The following MRPL17 variants were observed in gnomAD, a reference collection of about 807,000 sequenced individuals.
MRPL17 encodes the protein mitochondrial ribosomal protein L17.
Under a neutral mutation model 12.0 loss-of-function variants are expected in MRPL17, and 8 were observed. The observed-to-expected ratio is 0.67, with a 90% CI of 0.39 to 1.21. The LOEUF (loss-of-function observed/expected upper bound fraction) is 1.21, where lower values mean the gene tolerates loss of function less well. Ranked by LOEUF, MRPL17 falls within the 50% of genes most tolerant of loss-of-function variation. The pLI is 0.01. For missense variants in MRPL17, 263 were observed against 234.4 expected (o/e 1.12, Z -0.80); for synonymous variants, 107 against 92.9 (o/e 1.15, Z -0.87).
At chr11:6,682,496 CAT>C (rs1181702386) in intron 2 of MRPL17, 94 bp from the exon 3 acceptor site, 2 of 1,400,136 alleles carry the variant, frequency 1.4e-6, no homozygotes, top group Admixed American at 2.0e-5. Flanking sequence ...TCCATCCACA[CAT>C]AGAAAGACCT....
At chr11:6,682,898 A>T (rs1846583435) in intron 1 of MRPL17, 83 bp from the exon 2 acceptor site, 1 of 1,430,688 alleles carries the variant, frequency 7.0e-7, no homozygotes, top group African/African-American at 1.4e-5. Context: ...AAGGCAATCC[A>T]TTCTTTCCAC....
At chr11:6,682,503 A>G in intron 2 of MRPL17, 101 bp from the exon 3 acceptor site, 2 of 1,357,048 alleles carry the variant, frequency 1.5e-6, no homozygotes, top group Admixed American at 2.0e-5. Flanking sequence ...ACACATAGAA[A>G]GACCTCCCCC....
chr11:6,682,937 C>CT, intron 1 of MRPL17, 122 bp from the exon 2 acceptor site: 1 of 1,266,780 alleles, frequency 7.9e-7, no homozygotes. Flanking sequence ...CTACGCCACC[C>CT]CTAACTCCGC....
chr11:6,682,931 G>A, intron 1 of MRPL17, 116 bp from the exon 2 acceptor site: 1 of 1,272,332 alleles, frequency 7.9e-7, no homozygotes, highest in Non-Finnish European at 1.1e-6. Context: ...TCCAATCTAC[G>A]CCACCCCTAA....
At chr11:6,682,450 G>A (rs769575375) in intron 2 of MRPL17, 48 bp from the exon 3 acceptor site, 1 of 1,584,096 alleles carries the variant, frequency 6.3e-7, no homozygotes, top group Non-Finnish European at 8.6e-7. Context: ...CAAAACTGCA[G>A]AGGCATTTAA....
chr11:6,682,048 G>A lies in MRPL17; in HGVS notation c.*70C>T. The stretch of plus-strand genomic sequence containing the variant: ...ACATCTCTAGCTCCAGTTCTTCTCA[G>A]AGAGTAAAAGTGCTCCAAAGGCCTG... On this transcript the variant is annotated 3_prime_UTR_variant, in exon 3 of 3. Transcript: ENST00000288937. 1.3e-6 allele frequency: 2 copies of A among 1,519,522 alleles called. No homozygotes were observed. The highest frequency in any genetic ancestry group is 8.9e-7 in the Non-Finnish European group (1 of 1,129,114). The allele number at this position is 1,519,522 out of a possible 1,614,324, so 94.1% of individuals were successfully genotyped here. A position where few individuals can be genotyped will look rare whatever the true frequency, so the allele number is the denominator to read the frequency against.
Position 6,682,197 on chromosome 11 carries a change from T to G in MRPL17, c.449A>C (p.Gln150Pro), listed in dbSNP as rs1846573137. The G allele has an allele frequency of 6.2e-7, 1 of 1,614,080 alleles. No individual in the cohort carries two copies. The change falls in exon 3 of 3, where the codon CAG becomes CCG. Residue 150 changes from glutamine (Q) to proline (P), a missense_variant. Physicochemically the swap from Gln to Pro is moderately conservative, Grantham distance 76 (BLOSUM62 -1). Transcript: ENST00000288937. Reference protein sequence around the residue: ...SHLTLLNQLLQGLRQDLRQSQ... With the variant: ...SHLTLLNQLLPGLRQDLRQSQ... Reference sequence around the variant, plus strand: ...TTGCCTGAGGTCCTGCCGCAAACCCTGCAGCAGCTGGTTTAGGAGTGTAAG... The same window carrying G: ...TTGCCTGAGGTCCTGCCGCAAACCCGGCAGCAGCTGGTTTAGGAGTGTAAG...
rs1846557075 is a variant in MRPL17 at position 6,680,891 on chromosome 11, A to G, written c.*1227T>C. ...AACAAACCATAGTAGAGAAAAAGAG[A>G]TAAAGAGCTCTGTTGGGAGTAGATG... On this transcript the variant is annotated 3_prime_UTR_variant, in exon 3 of 3. Coordinates refer to ENST00000288937, the MANE Select transcript of MRPL17 (RefSeq NM_022061.4). The G allele has an allele frequency of 1.3e-5, 2 of 152,230 alleles. No individual in the cohort carries two copies. The highest frequency in any genetic ancestry group is 4.1e-4 in the South Asian group (2 of 4,838). The allele number at this position is 152,230 out of a possible 1,614,324, so 9.4% of individuals were successfully genotyped here.
rs770809769 is a variant in MRPL17, at chr11:6,682,773, T to A, written c.217A>T (p.Met73Leu). ...GTGAGCCAGAAGTCAGCCATGCGCATGGCTCGTTCGTTAGTGTCTCCCAGC... is the reference window on the plus strand; with the variant it reads ...GTGAGCCAGAAGTCAGCCATGCGCAAGGCTCGTTCGTTAGTGTCTCCCAGC... ...GKLGDTNERA[M>L]RMADFWLTEK... Residue 73 changes from methionine (M) to leucine (L), a missense_variant, in exon 2 of 3, where the codon ATG (methionine) becomes TTG (leucine). Physicochemically the swap from Met to Leu is conservative, Grantham distance 15. Transcript: ENST00000288937. 1 of 1,614,182 alleles carries A rather than the reference T, an allele frequency of 6.2e-7. No individual in the cohort carries two copies. Among genetic ancestry groups the A allele is most frequent in the South Asian group, 1.1e-5 (1 of 91,092 alleles).
In MRPL17 at chr11:6,681,276, G is replaced by A. The variant is rs765492574; in HGVS notation, c.*842C>T. ...TCCCAGCTTCTCACATTCTGAAGCC[G>A]GATTTCCCTTTTCTGGGTTCCCAGA... On this transcript the variant is annotated 3_prime_UTR_variant, in exon 3 of 3. Coordinates refer to ENST00000288937, the MANE Select transcript of MRPL17 (RefSeq NM_022061.4). The A allele has an allele frequency of 6.6e-6, 1 of 152,142 alleles. No homozygotes were observed. The highest frequency in any genetic ancestry group is 1.5e-5 in the Non-Finnish European group (1 of 68,026). 9.4% of individuals were successfully genotyped at this position (152,142 alleles called of 1,614,324 possible). A position where few individuals can be genotyped will look rare whatever the true frequency, so the allele number is the denominator to read the frequency against.
At position 6,683,247 on chromosome 11, in the gene MRPL17, C is replaced by T. The variant is rs766294967; in HGVS notation, c.50G>A (p.Arg17His). The change falls in exon 1 of 3, where the codon CGT becomes CAT. Residue 17 changes from arginine to histidine, a missense_variant. By Grantham distance (29) the Arg-to-His change is conservative. Coordinates refer to ENST00000288937, the MANE Select transcript of MRPL17 (RefSeq NM_022061.4). ...GCGGGACTCGGGACCGAGGCCCATA[C>T]GGCGAAATACGCGGCCATGGGAGAT... ...AAISHGRVFR[R>H]MGLGPESRIH... The T allele has an allele frequency of 4.3e-6, 7 of 1,614,050 alleles. No individual in the cohort carries two copies. The highest frequency in any genetic ancestry group is 1.3e-5 in the African/African-American group (1 of 75,068).
chr11:6,682,548 A>G (rs1454079915), intron 2 of MRPL17, 146 bp from the exon 3 acceptor site: 6 of 1,070,014 alleles, frequency 5.6e-6, no homozygotes, highest in Non-Finnish European at 5.5e-6. Flanking sequence ...AGTGTTACAC[A>G]AAGGGGTCGT....
Position 6,682,035 on chromosome 11 carries a change from C to T in MRPL17, c.*83G>A. On this transcript the variant is annotated 3_prime_UTR_variant, in exon 3 of 3. Coordinates refer to ENST00000288937, the MANE Select transcript of MRPL17 (RefSeq NM_022061.4). ...GACTGTCCATTTTACATCTCTAGCT[C>T]CAGTTCTTCTCAGAGAGTAAAAGTG... 6.7e-7 allele frequency: 1 copy of T among 1,497,812 alleles called. No individual in the cohort carries two copies. Among genetic ancestry groups the T allele is most frequent in the South Asian group, 1.3e-5 (1 of 74,844 alleles). 92.8% of individuals were successfully genotyped at this position (1,497,812 alleles called of 1,614,324 possible).
rs1004263215 is a variant in MRPL17, at chr11:6,681,911, G to C, written c.*207C>G. ...CATTCTCCAGAAATCCCACAGGAAG[G>C]AAAAAATAAATAAATTTATATATAT... On this transcript the variant is annotated 3_prime_UTR_variant, in exon 3 of 3. Transcript: ENST00000288937. 3 of 341,452 alleles carry C rather than the reference G, an allele frequency of 8.8e-6. No homozygotes were observed. The highest frequency in any genetic ancestry group is 2.1e-5 in the African/African-American group (1 of 47,454). The allele number at this position is 341,452 out of a possible 1,614,324, so 21.2% of individuals were successfully genotyped here.
Position 6,683,173 on chromosome 11 carries a change from T to G in MRPL17, c.124A>C (p.Ile42Leu). ...LLTGLVRHERIEAPWARVDEM... is the reference protein window; with the variant it reads ...LLTGLVRHERLEAPWARVDEM... ...TCCACACGCGCCCATGGTGCCTCGA[T>G]GCGTTCGTGCCGCACCAGCCCTGTG... Residue 42 changes from isoleucine to leucine, a missense_variant, in exon 1 of 3, where the codon ATC becomes CTC. Coordinates refer to ENST00000288937, the MANE Select transcript of MRPL17 (RefSeq NM_022061.4). 1 of 1,614,182 alleles carries G rather than the reference T, an allele frequency of 6.2e-7. No individual in the cohort carries two copies. Among genetic ancestry groups the G allele is most frequent in the Non-Finnish European group, 8.5e-7 (1 of 1,180,040 alleles).
At chr11:6,683,086 A>G in intron 1 of MRPL17, 37 bp downstream of exon 1, 2 of 1,598,726 alleles carry the variant, frequency 1.3e-6, no homozygotes, top group East Asian at 2.2e-5. Flanking sequence ...CCCTCAGACC[A>G]GACCCGCAGA....
rs937017253 is a variant in MRPL17, at chr11:6,680,985, C to G, written c.*1133G>C. On this transcript the variant is annotated 3_prime_UTR_variant, in exon 3 of 3. Coordinates refer to ENST00000288937, the MANE Select transcript of MRPL17 (RefSeq NM_022061.4). ...GTTCGTTCTGTCACTGAAGCCATGT[C>G]TGCTACACCAGTGATCCCTTTACCC... 1.3e-5 allele frequency: 2 copies of G among 152,214 alleles called. No individual in the cohort carries two copies. Among genetic ancestry groups the G allele is most frequent in the Non-Finnish European group, 2.9e-5 (2 of 68,038 alleles). The allele number at this position is 152,214 out of a possible 1,614,324, so 9.4% of individuals were successfully genotyped here.
rs11040957 is a variant in MRPL17, at chr11:6,681,967, G to C, written c.*151C>G. 2.8e-3 allele frequency: 1,930 copies of C among 691,174 alleles called. 27 individuals carry two copies. The African/African-American group carries it at 0.029, about 10-fold the overall frequency. The allele number at this position is 691,174 out of a possible 1,614,324, so 42.8% of individuals were successfully genotyped here. A position where few individuals can be genotyped will look rare whatever the true frequency, so the allele number is the denominator to read the frequency against. On this transcript the variant is annotated 3_prime_UTR_variant, in exon 3 of 3. Transcript: ENST00000288937. ...TAAAGACTTTTATCTATTGTGCAAA[G>C]AGAGGGTCATCTGGCTCCCCAGAAG...
In MRPL17 at chr11:6,680,494, T is replaced by A. The variant is rs1398195104; in HGVS notation, c.*1624A>T. Among the ~76,000 whole-genome samples the A allele has an allele frequency of 6.6e-6, 1 of 152,214 alleles. No homozygotes were observed. Among genetic ancestry groups the A allele is most frequent in the Non-Finnish European group, 1.5e-5 (1 of 68,030 alleles). On this transcript the variant is annotated 3_prime_UTR_variant, in exon 3 of 3. Transcript: ENST00000288937. Reference sequence around the variant, plus strand: ...TACAGGTTGTTTCTTATCTCTAGTCTCTATTAGATGAACAGTGGATATTGT... The same window carrying A: ...TACAGGTTGTTTCTTATCTCTAGTCACTATTAGATGAACAGTGGATATTGT...
Sources: allele counts gnomAD v4.1 joint callset (sites outside exome capture counted in the v4.1 genomes callset), GRCh38; gene constraint gnomAD v4.1.1; transcripts MANE v1.5; gene names NCBI Gene and HGNC (gene_info 2026-07-23, HGNC 2026-07-21).